The following MKX variants were observed in gnomAD, a reference collection of about 807,000 sequenced individuals.
The protein encoded by MKX is homeobox protein Mohawk.
In MKX, 13 loss-of-function variants were observed where a neutral mutation model predicts 36.0. That is an observed-to-expected ratio of 0.36 (90% confidence interval 0.24 to 0.57). The LOEUF (loss-of-function observed/expected upper bound fraction) is 0.57, where lower values mean the gene tolerates loss of function less well. MKX is among the 20% of genes least tolerant of loss of function. The pLI is 0.79. For synonymous variants in MKX, 176 were observed against 178.3 expected (o/e 0.99, Z 0.10); for missense variants, 458 against 456.4 (o/e 1.00, Z -0.03).
At position 27,741,545 on chromosome 10, in the gene MKX, G is replaced by T. The variant is rs748133594; in HGVS notation, c.189-41C>A. The T allele has an allele frequency of 5.9e-6, 9 of 1,529,866 alleles. No individual in the cohort carries two copies. The highest frequency in any genetic ancestry group is 7.0e-6 in the Non-Finnish European group (8 of 1,146,460). 94.8% of individuals were successfully genotyped at this position (1,529,866 alleles called of 1,614,324 possible). A position where few individuals can be genotyped will look rare whatever the true frequency, so the allele number is the denominator to read the frequency against. On this transcript the variant is annotated intron_variant, in intron 2 of 6. Transcript: ENST00000419761. The surrounding 1 kb of genome is among the most constrained non-coding windows in gnomAD (Gnocchi z 5.1). The stretch of plus-strand genomic sequence containing the variant: ...AGGAGGCGGCCCTGGTGAGCGACGC[G>T]TTTGCCCGCCCGGACGCTCCACGCC...
chr10:27,677,660 C>T (rs74129336), intron 5 of MKX, among the ~76,000 whole-genome samples: 2,824 of 152,132 alleles, frequency 0.019, 87 homozygotes, highest in African/African-American at 0.065. Flanking sequence ...CAACCCTTCA[C>T]GTAAGGAACT....
intron 5 of MKX, among the ~76,000 whole-genome samples, chr10:27,677,492 G>A (rs1836175499): frequency 6.6e-6 from 1 of 152,162 alleles, no homozygotes; most frequent in Non-Finnish European, 1.5e-5. Context: ...TTCCCAGGAA[G>A]AGATAGTCAA....
chr10:27,692,244 T>C (rs1836467621), intron 5 of MKX, among the ~76,000 whole-genome samples: 1 of 152,226 alleles, frequency 6.6e-6, no homozygotes, highest in African/African-American at 2.4e-5. Flanking sequence ...ATGGATATAA[T>C]ACCTCTAAAA....
At chr10:27,693,687 A>G (rs577099161) in intron 5 of MKX, among the ~76,000 whole-genome samples, 1 of 152,198 alleles carries the variant, frequency 6.6e-6, no homozygotes, top group Admixed American at 6.5e-5. Context: ...AAAAGAAAAC[A>G]TATTTGTTTT....
At chr10:27,743,001 C>A (rs1005568724) in intron 2 of MKX, among the ~76,000 whole-genome samples, 1 of 152,210 alleles carries the variant, frequency 6.6e-6, no homozygotes, top group African/African-American at 2.4e-5. Flanking sequence ...CCCTTAGTCT[C>A]CACCAAGCTC....
intron 3 of MKX, among the ~76,000 whole-genome samples, chr10:27,739,088 A>G (rs775840381): frequency 1.3e-5 from 2 of 152,110 alleles, no homozygotes; most frequent in Non-Finnish European, 2.9e-5. Flanking sequence ...TGAGACTTTC[A>G]TTATTAGAGG....
intron 5 of MKX, among the ~76,000 whole-genome samples, chr10:27,677,267 T>A (rs1017427233): frequency 2.6e-5 from 4 of 152,280 alleles, no homozygotes; most frequent in South Asian, 2.1e-4. Flanking sequence ...TGCAAAACTG[T>A]CTTTTCCTGC....
intron 5 of MKX, among the ~76,000 whole-genome samples, chr10:27,684,915 C>A (rs1290838929): frequency 6.6e-6 from 1 of 152,232 alleles, no homozygotes; most frequent in East Asian, 1.9e-4. Context: ...AGGGTTCACG[C>A]TCCTATGAGA....
intron 1 of MKX, among the ~76,000 whole-genome samples, chr10:27,743,706 C>A (rs1292635963): frequency 2.6e-5 from 4 of 152,298 alleles, no homozygotes; most frequent in Admixed American, 6.5e-5. Flanking sequence ...TGCCCTCTTC[C>A]TTGCCTGGGC....
intron 5 of MKX, among the ~76,000 whole-genome samples, chr10:27,694,694 C>CA (rs59324478): frequency 0.12 from 14,102 of 114,452 alleles, 2,386 homozygotes; most frequent in African/African-American, 0.37. Context: ...GACTCTGTCT[C>CA]AAAAAAAAAA....
chr10:27,729,996 T>C (rs1019356620), intron 5 of MKX, among the ~76,000 whole-genome samples: 1 of 151,190 alleles, frequency 6.6e-6, no homozygotes, highest in Non-Finnish European at 1.5e-5. Context: ...GGCTTGGACA[T>C]CAGTTTGTAA....
intron 5 of MKX, among the ~76,000 whole-genome samples, chr10:27,705,153 C>A (rs1163184239): frequency 6.6e-6 from 1 of 151,960 alleles, no homozygotes; most frequent in Non-Finnish European, 1.5e-5. Flanking sequence ...CATCTACAGG[C>A]TGTAAGAAAA....
chr10:27,734,973 T>C (rs1008754020), intron 4 of MKX, among the ~76,000 whole-genome samples, 182 bp from the exon 5 acceptor site: 3 of 152,326 alleles, frequency 2.0e-5, no homozygotes, highest in African/African-American at 2.4e-5. Context: ...CTCTCGCTTA[T>C]GGTATTTTAA....
At chr10:27,737,517 T>G (rs562618600) in intron 3 of MKX, among the ~76,000 whole-genome samples, 1 of 152,240 alleles carries the variant, frequency 6.6e-6, no homozygotes, top group South Asian at 2.1e-4. Context: ...ATCCTTCATC[T>G]CTAAAATGGA....
chr10:27,680,063 T>C (rs911504121), intron 5 of MKX, among the ~76,000 whole-genome samples: 2 of 152,002 alleles, frequency 1.3e-5, no homozygotes, highest in African/African-American at 4.8e-5. Flanking sequence ...AGGGAAGGAT[T>C]GTGCATGTTG....
At chr10:27,735,183 G>C in intron 4 of MKX, 38 bp downstream of exon 4, 1 of 1,508,446 alleles carries the variant, frequency 6.6e-7, no homozygotes, top group Non-Finnish European at 8.9e-7. Flanking sequence ...TGCTAATAGA[G>C]GCAAAACAAA....
chr10:27,687,240 G>A (rs1220938246), intron 5 of MKX, among the ~76,000 whole-genome samples: 4 of 152,068 alleles, frequency 2.6e-5, no homozygotes, highest in East Asian at 1.9e-4. Flanking sequence ...ACATGACCTC[G>A]TGATCCACCC....
intron 5 of MKX, among the ~76,000 whole-genome samples, chr10:27,733,729 G>T (rs1236804163): frequency 6.6e-6 from 1 of 152,178 alleles, no homozygotes; most frequent in Non-Finnish European, 1.5e-5. Flanking sequence ...CACTTCTTAA[G>T]AGCAAACCTC....
chr10:27,742,946 A>G lies in MKX; in HGVS notation c.188+282T>C, dbSNP rs1042556704. Among the ~76,000 whole-genome samples the G allele has an allele frequency of 6.6e-6, 1 of 151,896 alleles. No homozygotes were observed. The highest frequency in any genetic ancestry group is 1.5e-5 in the Non-Finnish European group (1 of 67,972). Reference sequence around the variant, plus strand: ...TCCGGAGAGGGGCAAATAACCCCCAACTCCGAGGTCCAGGCAGCGGAGGGC... The same window carrying G: ...TCCGGAGAGGGGCAAATAACCCCCAGCTCCGAGGTCCAGGCAGCGGAGGGC... On this transcript the variant is annotated intron_variant, in intron 2 of 6. Coordinates refer to ENST00000419761, the MANE Select transcript of MKX (RefSeq NM_173576.3). This position sits in a 1 kb window ranked among gnomAD's most constrained non-coding sequence, Gnocchi z 4.2.
Sources: allele counts gnomAD v4.1 joint callset (sites outside exome capture counted in the v4.1 genomes callset), GRCh38; gene constraint gnomAD v4.1.1; non-coding constraint Gnocchi (gnomAD v3.1); transcripts MANE v1.5; gene names NCBI Gene and HGNC (gene_info 2026-07-23, HGNC 2026-07-21).